PCDHA1: variants seen among roughly 807,000 people sequenced by gnomAD.
PCDHA1 encodes protocadherin alpha-1.
Under a neutral mutation model 61.3 loss-of-function variants are expected in PCDHA1, and 42 were observed. That is an observed-to-expected ratio of 0.69 (90% CI 0.54 to 0.89). The LOEUF (loss-of-function observed/expected upper bound fraction) is 0.89, where lower values mean the gene tolerates loss of function less well. PCDHA1 is among the 40% of genes least tolerant of loss of function. The pLI is 0.00. For missense variants in PCDHA1, 1,256 were observed against 1,235.3 expected, an observed-to-expected ratio of 1.02 and a Z score of -0.25; for synonymous variants, 610 against 553.8, an observed-to-expected ratio of 1.10 and a Z score of -1.43.
intron 1 of PCDHA1, among the ~76,000 whole-genome samples, chr5:140,913,572 TCAAA>T (rs150264547): frequency 6.6e-6 from 1 of 152,264 alleles, no homozygotes; most frequent in East Asian, 1.9e-4. Context: ...TTTCATCATT[TCAAA>T]TATATTTCTG....
intron 1 of PCDHA1, among the ~76,000 whole-genome samples, chr5:140,953,567 C>G (rs1385823859): frequency 6.6e-6 from 1 of 152,018 alleles, no homozygotes; most frequent in Non-Finnish European, 1.5e-5. Flanking sequence ...TTTTAGTGCC[C>G]TCCTCTCCCA....
At chr5:140,875,654 C>G in intron 1 of PCDHA1, 2 of 1,613,702 alleles carry the variant, frequency 1.2e-6, no homozygotes, top group Non-Finnish European at 8.5e-7. Flanking sequence ...GAGCTGGTGC[C>G]GCGCCTGTTC....
At chr5:140,836,835 C>T (rs1774769816) in intron 1 of PCDHA1, 2 of 878,888 alleles carry the variant, frequency 2.3e-6, no homozygotes, top group Non-Finnish European at 1.7e-6. Flanking sequence ...TAGTTGATAG[C>T]TTTATGTATA....
intron 1 of PCDHA1, among the ~76,000 whole-genome samples, chr5:140,918,552 A>G (rs1554198667): frequency 6.6e-6 from 1 of 152,206 alleles, no homozygotes; most frequent in Admixed American, 6.5e-5. Context: ...TGTGCAATTG[A>G]GAAGAATGTA....
chr5:140,877,089 C>T (rs782771217), intron 1 of PCDHA1: 4 of 1,613,082 alleles, frequency 2.5e-6, no homozygotes, highest in African/African-American at 1.3e-5. Flanking sequence ...GCGCGCGCGA[C>T]GCCGGCGTGC....
chr5:140,787,454 C>T lies in PCDHA1; in HGVS notation c.1164C>T (p.Ser388=). 1.9e-6 allele frequency: 3 copies of T among 1,614,256 alleles called. No homozygotes were observed. Among genetic ancestry groups the T allele is most frequent in the Non-Finnish European group, 2.5e-6 (3 of 1,180,046 alleles). The change falls in exon 1 of 4, where the codon TCC becomes TCT. Residue 388 remains serine, a synonymous_variant. Transcript: ENST00000504120. ...GTGCCAACGGGCAGGTGACTTGCTC[C>T]TTAATGCCCCACGTCCCCTTCAAGC... ...DSGANGQVTC[S]LMPHVPFKLV...
rs17844259 is a variant in PCDHA1 at position 140,802,489 on chromosome 5, G to A, written c.2394+13805G>A. Reference sequence around the variant, plus strand: ...CTGGTGGTGACTGCTCGGGACGGGGGCTCGCCTTCACTGTGGGCCACGGCC... The same window carrying A: ...CTGGTGGTGACTGCTCGGGACGGGGACTCGCCTTCACTGTGGGCCACGGCC... On this transcript the variant is annotated intron_variant, in intron 1 of 3. Coordinates refer to ENST00000504120, the MANE Select transcript of PCDHA1 (RefSeq NM_018900.4). The A allele has an allele frequency of 4.7e-4, 756 of 1,614,176 alleles. 7 individuals are homozygous for A. The East Asian group carries it at 0.016, about 34-fold the overall frequency.
intron 1 of PCDHA1, chr5:140,884,452 C>G (rs1203873823): frequency 6.2e-7 from 1 of 1,613,664 alleles, no homozygotes; most frequent in African/African-American, 1.3e-5. Context: ...CACCGCCCAC[C>G]GAGGGCGCGT....
chr5:140,849,809 G>C (rs147465571), intron 1 of PCDHA1: 14 of 1,598,384 alleles, frequency 8.8e-6, no homozygotes, highest in East Asian at 2.2e-5. Context: ...TGTGGGCCAC[G>C]GCCAGGGTGT....
chr5:140,943,257 C>CAAAAAAAA (rs1238620023), intron 1 of PCDHA1, among the ~76,000 whole-genome samples: 2 of 77,482 alleles, frequency 2.6e-5, no homozygotes, highest in Admixed American at 1.5e-4. Flanking sequence ...GACTCTGTCT[C>CAAAAAAAA]AAAAAAAAAA....
chr5:140,989,727 A>C (rs1203211477), intron 3 of PCDHA1, among the ~76,000 whole-genome samples: 7 of 152,190 alleles, frequency 4.6e-5, no homozygotes, highest in African/African-American at 1.7e-4. Context: ...TTTGCAGTTG[A>C]AAAGGCCATT....
chr5:140,871,208 C>A (rs782698436), intron 1 of PCDHA1: 1 of 1,613,802 alleles, frequency 6.2e-7, no homozygotes, highest in Non-Finnish European at 8.5e-7. Context: ...CTGATCATCG[C>A]CATCTGCGTG....
chr5:140,945,430 T>C (rs1389561787), intron 1 of PCDHA1, among the ~76,000 whole-genome samples: 2 of 152,082 alleles, frequency 1.3e-5, no homozygotes, highest in African/African-American at 4.8e-5. Flanking sequence ...ATGAAGTTTT[T>C]ACAGAAATAT....
At chr5:140,983,170 G>A (rs1046143831) in intron 3 of PCDHA1, among the ~76,000 whole-genome samples, 1 of 152,136 alleles carries the variant, frequency 6.6e-6, no homozygotes, top group Non-Finnish European at 1.5e-5. Context: ...AAACATGACC[G>A]CCTCACAATT....
chr5:140,927,493 C>G, intron 1 of PCDHA1: 1 of 1,614,144 alleles, frequency 6.2e-7, no homozygotes. Flanking sequence ...CACCCACCTG[C>G]TGGTGCTTAC....
Position 140,788,057 on chromosome 5 carries a change from T to C in PCDHA1, c.1767T>C (p.His589=). 1 of 1,613,900 alleles carries C rather than the reference T, an allele frequency of 6.2e-7. No individual in the cohort carries two copies. The highest frequency in any genetic ancestry group is 8.5e-7 in the Non-Finnish European group (1 of 1,179,872). The change falls in exon 1 of 4, where the codon CAT becomes CAC. Residue 589 remains histidine, a synonymous_variant. Coordinates refer to ENST00000504120, the MANE Select transcript of PCDHA1 (RefSeq NM_018900.4). The part of the protein sequence containing the change: ...ELVPRLVGAG[H]VVAKVRAVDA... ...TGCCGCGATTGGTGGGTGCGGGTCA[T>C]GTGGTGGCGAAGGTGCGCGCAGTGG...
intron 1 of PCDHA1, chr5:140,927,797 C>T (rs1554205063): frequency 6.2e-7 from 1 of 1,614,196 alleles, no homozygotes; most frequent in Non-Finnish European, 8.5e-7. Context: ...CTAGGTCCGC[C>T]TGAAACGCTC....
intron 1 of PCDHA1, chr5:140,876,243 C>A: frequency 6.2e-7 from 1 of 1,613,948 alleles, no homozygotes; most frequent in Non-Finnish European, 8.5e-7. Context: ...ATGTCCAAAA[C>A]GACACAAGAG....
At position 140,856,180 on chromosome 5, in the gene PCDHA1, G is replaced by C; in HGVS notation, c.2394+67496G>C. ...AGGAGGCCAGACACGGCACCTTCGT[G>C]GGCCGCATCGCGCAGGACCTGGGGC... On this transcript the variant is annotated intron_variant, in intron 1 of 3. Coordinates refer to ENST00000504120, the MANE Select transcript of PCDHA1 (RefSeq NM_018900.4). The C allele has an allele frequency of 3.1e-6, 5 of 1,598,262 alleles. 1 individual carries two copies. Among genetic ancestry groups the C allele is most frequent in the Non-Finnish European group, 4.3e-6 (5 of 1,167,898 alleles).
Sources: allele counts gnomAD v4.1 joint callset (sites outside exome capture counted in the v4.1 genomes callset), GRCh38; gene constraint gnomAD v4.1.1; transcripts MANE v1.5; gene names NCBI Gene and HGNC (gene_info 2026-07-23, HGNC 2026-07-21).